Variants in KCNJ16 observed in about 807,000 individuals in gnomAD.
The protein encoded by KCNJ16 is inward rectifier potassium channel 16.
A neutral mutation model predicts 18.5 loss-of-function variants in KCNJ16; 15 were observed. The observed-to-expected ratio is 0.81, with a 90% CI of 0.54 to 1.25. KCNJ16 has a LOEUF of 1.25. KCNJ16 is among the 50% of genes most tolerant of loss of function. The pLI is 0.00. For missense variants in KCNJ16, 523 were observed against 525.7 expected, an observed-to-expected ratio of 0.99 and a Z score of 0.05; for synonymous variants, 174 against 186.5, an observed-to-expected ratio of 0.93 and a Z score of 0.55.
intron 1 of KCNJ16, among the ~76,000 whole-genome samples, chr17:70,079,905 G>A (rs1481084862): frequency 6.6e-6 from 1 of 152,054 alleles, no homozygotes; most frequent in Non-Finnish European, 1.5e-5. Context: ...GTTTCACCAT[G>A]TTGGCCAGGC....
intron 1 of KCNJ16, among the ~76,000 whole-genome samples, chr17:70,093,817 C>A (rs1451044334): frequency 1.3e-5 from 2 of 151,722 alleles, no homozygotes; most frequent in Non-Finnish European, 2.9e-5. Flanking sequence ...TTATTTAAAT[C>A]TTTCATTCTT....
At chr17:70,131,100 T>C in intron 3 of KCNJ16, 125 bp downstream of exon 3, 2 of 1,068,608 alleles carry the variant, frequency 1.9e-6, no homozygotes, top group Non-Finnish European at 2.8e-6. Context: ...AAGGGTTCAA[T>C]TGTAGCGTGC....
At chr17:70,113,560 G>A (rs9889742) in intron 2 of KCNJ16, among the ~76,000 whole-genome samples, 13,065 of 152,182 alleles carry the variant, frequency 0.086, 1,886 homozygotes, top group African/African-American at 0.3. Context: ...TCCCGTGAAG[G>A]TTTAAACACC....
At chr17:70,083,979 C>T (rs2071677506) in intron 1 of KCNJ16, among the ~76,000 whole-genome samples, 1 of 151,974 alleles carries the variant, frequency 6.6e-6, no homozygotes, top group Non-Finnish European at 1.5e-5. Flanking sequence ...CAGGGGTGGC[C>T]AGCAGCACAG....
chr17:70,085,840 TTTG>T (rs1156842418), intron 1 of KCNJ16, among the ~76,000 whole-genome samples: 4 of 152,160 alleles, frequency 2.6e-5, no homozygotes, highest in African/African-American at 7.2e-5. Flanking sequence ...AGCATAAGAA[TTTG>T]TTATTTCCCT....
intron 1 of KCNJ16, among the ~76,000 whole-genome samples, chr17:70,083,489 A>C (rs753842131): frequency 2.6e-4 from 40 of 151,716 alleles, no homozygotes; most frequent in Admixed American, 7.2e-4. Context: ...TTTACTGTAC[A>C]TTTTCTATGT....
At chr17:70,080,828 G>A (rs2071520861) in intron 1 of KCNJ16, among the ~76,000 whole-genome samples, 2 of 152,124 alleles carry the variant, frequency 1.3e-5, no homozygotes, top group African/African-American at 4.8e-5. Flanking sequence ...TCTAAAGTAA[G>A]CTCACAAAAC....
Position 70,132,634 on chromosome 17 carries a change from C to G in KCNJ16, c.547C>G (p.Arg183Gly). The G allele has an allele frequency of 6.2e-7, 1 of 1,614,200 alleles. No homozygotes were observed. The highest frequency in any genetic ancestry group is 1.1e-5 in the South Asian group (1 of 91,078). Reference protein sequence around the residue: ...ATARKRAQTIRFSYFALIGMR... With the variant: ...ATARKRAQTIGFSYFALIGMR... The stretch of plus-strand genomic sequence containing the variant: ...TGCTCGAAAGAGAGCCCAAACCATT[C>G]GTTTCAGCTACTTTGCACTTATAGG... Residue 183 changes from arginine (R) to glycine (G), a missense_variant, in exon 4 of 4, where the codon CGT becomes GGT. By Grantham distance (125) the Arg-to-Gly change is moderately radical. Coordinates refer to ENST00000392671, the MANE Select transcript of KCNJ16 (RefSeq NM_170741.4).
Position 70,133,162 on chromosome 17 carries a change from GTTCGAGAATCCTGCACGT to G in KCNJ16, c.1076_1093del (p.Val359_Ser365delinsAla). 1 of 1,614,212 alleles carries G rather than the reference GTTCGAGAATCCTGCACGT, an allele frequency of 6.2e-7. No individual in the cohort carries two copies. The highest frequency in any genetic ancestry group is 8.5e-7 in the Non-Finnish European group (1 of 1,180,040). ...GCTCCACATAGAAAAAGCACCACCA[GTTCGAGAATCCTGCACGT>G]CGGACACCAAGGCGAGACGAAGGTC... is the stretch of plus-strand genomic sequence containing the variant. On this transcript the variant is annotated inframe_deletion, in exon 4 of 4. Coordinates refer to ENST00000392671, the MANE Select transcript of KCNJ16 (RefSeq NM_170741.4).
chr17:70,129,765 G>C (rs2073991972), intron 2 of KCNJ16, among the ~76,000 whole-genome samples: 2 of 152,096 alleles, frequency 1.3e-5, no homozygotes, highest in African/African-American at 4.8e-5. Context: ...ACTCAAATTT[G>C]TTCACTTGTA....
At chr17:70,114,586 A>T (rs940215710) in intron 2 of KCNJ16, among the ~76,000 whole-genome samples, 1 of 152,140 alleles carries the variant, frequency 6.6e-6, no homozygotes, top group Non-Finnish European at 1.5e-5. Flanking sequence ...GGAGAGTGTT[A>T]TCATTCTGTT....
intron 1 of KCNJ16, among the ~76,000 whole-genome samples, chr17:70,093,722 CT>C (rs2072228421): frequency 6.6e-6 from 1 of 152,034 alleles, no homozygotes; most frequent in Non-Finnish European, 1.5e-5. Context: ...ACTAATAATT[CT>C]TTCTTTTACT....
chr17:70,110,457 T>C (rs1307341580), intron 2 of KCNJ16, among the ~76,000 whole-genome samples: 1 of 148,044 alleles, frequency 6.8e-6, no homozygotes, highest in Non-Finnish European at 1.5e-5. Flanking sequence ...GGAACCAGAC[T>C]TACACACCTA....
chr17:70,102,827 TTCA>T (rs2143860348), intron 2 of KCNJ16, among the ~76,000 whole-genome samples: 1 of 152,262 alleles, frequency 6.6e-6, no homozygotes, highest in Admixed American at 6.5e-5. Flanking sequence ...TGTGACATCT[TTCA>T]TCAAGGTCAC....
rs2073034845 is a variant in KCNJ16 at position 70,108,500 on chromosome 17, T to TTAAGAGGTGGC, written c.-191+7734_-191+7735insTAAGAGGTGGC. 3.3e-5 allele frequency: 5 copies of TTAAGAGGTGGC among 152,134 alleles called. No homozygotes were observed. The South Asian group carries it at 1.0e-3, about 32-fold the overall frequency. 9.4% of individuals were successfully genotyped at this position (152,134 alleles called of 1,614,324 possible). A position where few individuals can be genotyped will look rare whatever the true frequency, so the allele number is the denominator to read the frequency against. On this transcript the variant is annotated intron_variant, in intron 2 of 3. Transcript: ENST00000392671. ...AAATCAGTCATTTTGCATGTTGATA[T>TTAAGAGGTGGC]CTATAAATGACCACATCAACATATC...
intron 3 of KCNJ16, among the ~76,000 whole-genome samples, chr17:70,131,766 C>G (rs186770025): frequency 2.4e-4 from 36 of 152,230 alleles, no homozygotes; most frequent in Admixed American, 9.8e-4. Context: ...ACAGTGTTTA[C>G]CCAAGCCTTA....
At chr17:70,114,089 T>C (rs1598153243) in intron 2 of KCNJ16, among the ~76,000 whole-genome samples, 2 of 152,120 alleles carry the variant, frequency 1.3e-5, no homozygotes, top group African/African-American at 4.8e-5. Context: ...TTTATCTATA[T>C]CCACAGGGAA....
In KCNJ16 at chr17:70,133,070, T is replaced by A; in HGVS notation, c.983T>A (p.Phe328Tyr). ...RKYYKVNCLQFEGSVEVYAPF... is the reference protein window; with the variant it reads ...RKYYKVNCLQYEGSVEVYAPF... ...TATTACAAAGTGAACTGCTTACAGTTTGAAGGAAGTGTGGAAGTATATGCC... is the reference window on the plus strand; with the variant it reads ...TATTACAAAGTGAACTGCTTACAGTATGAAGGAAGTGTGGAAGTATATGCC... The change falls in exon 4 of 4, where the codon TTT becomes TAT. Residue 328 changes from phenylalanine to tyrosine, a missense_variant. Coordinates refer to ENST00000392671, the MANE Select transcript of KCNJ16 (RefSeq NM_170741.4). 6 of 1,614,078 alleles carry A rather than the reference T, an allele frequency of 3.7e-6. No homozygotes were observed. Among genetic ancestry groups the A allele is most frequent in the Non-Finnish European group, 5.1e-6 (6 of 1,180,008 alleles).
At position 70,135,432 on chromosome 17, in the gene KCNJ16, G is replaced by C. The variant is rs2074189758; in HGVS notation, c.*2088G>C. On this transcript the variant is annotated 3_prime_UTR_variant, in exon 4 of 4. Transcript: ENST00000392671. ...ATCAGAATAGGGGCATCAGTGTCCC[G>C]TGAAATACATTTTGTTGTGCTATGA... The C allele has an allele frequency of 6.0e-6, 1 of 167,004 alleles. No individual in the cohort carries two copies. Among genetic ancestry groups the C allele is most frequent in the Non-Finnish European group, 1.5e-5 (1 of 68,108 alleles). The allele number at this position is 167,004 out of a possible 1,614,324, so 10.3% of individuals were successfully genotyped here.
Sources: allele counts gnomAD v4.1 joint callset (sites outside exome capture counted in the v4.1 genomes callset), GRCh38; gene constraint gnomAD v4.1.1; transcripts MANE v1.5; gene names NCBI Gene and HGNC (gene_info 2026-07-23, HGNC 2026-07-21).